The following ACVR1 variants were observed in gnomAD, a reference collection of about 807,000 sequenced individuals.
ACVR1 encodes activin A receptor type 1.
In ACVR1, 38 loss-of-function variants were observed where a neutral mutation model predicts 57.1. The ratio of observed to expected loss-of-function variants is 0.67; its 90% CI spans 0.51 to 0.87. The LOEUF is 0.87. Among genes scored for constraint, ACVR1 ranks in the 40% least tolerant of loss-of-function variants. The pLI is 0.00. For missense variants in ACVR1, 463 were observed against 638.2 expected (o/e 0.73, Z 2.96); for synonymous variants, 212 against 228.1 (o/e 0.93, Z 0.63).
At chr2:157,803,784 C>T (rs1285554295) in intron 2 of ACVR1, among the ~76,000 whole-genome samples, 2 of 152,036 alleles carry the variant, frequency 1.3e-5, no homozygotes, top group Non-Finnish European at 2.9e-5. Context: ...TCTCTTTAAA[C>T]TCTTGAAAAT....
At chr2:157,816,902 A>T (rs1348361364) in intron 2 of ACVR1, among the ~76,000 whole-genome samples, 4 of 151,990 alleles carry the variant, frequency 2.6e-5, no homozygotes, top group Non-Finnish European at 4.4e-5. Context: ...CCAAGTAGGT[A>T]TTCATATTAC....
At chr2:157,844,394 C>T (rs965966660) in intron 1 of ACVR1, among the ~76,000 whole-genome samples, 1 of 152,128 alleles carries the variant, frequency 6.6e-6, no homozygotes, top group Non-Finnish European at 1.5e-5. Flanking sequence ...CCTTTCTCAG[C>T]TTGGCTACTC....
chr2:157,817,242 C>A (rs771163938), intron 2 of ACVR1, among the ~76,000 whole-genome samples: 1 of 152,142 alleles, frequency 6.6e-6, no homozygotes, highest in Non-Finnish European at 1.5e-5. Context: ...GGATTAGAGG[C>A]ATGAGCCACC....
intron 2 of ACVR1, among the ~76,000 whole-genome samples, chr2:157,800,857 T>C (rs760904475): frequency 4.2e-4 from 64 of 152,106 alleles, no homozygotes; most frequent in Non-Finnish European, 7.8e-4. Flanking sequence ...ATATGCTTTT[T>C]GTTCCCCTCT....
At chr2:157,855,248 C>G (rs1473810387) in intron 1 of ACVR1, among the ~76,000 whole-genome samples, 1 of 128,366 alleles carries the variant, frequency 7.8e-6, no homozygotes, top group Admixed American at 8.2e-5. Flanking sequence ...GAAACCTCGT[C>G]TCTTAAAAAA....
intron 1 of ACVR1, among the ~76,000 whole-genome samples, chr2:157,865,519 C>T (rs564323296): frequency 2.6e-5 from 4 of 152,156 alleles, no homozygotes; most frequent in African/African-American, 4.8e-5. Flanking sequence ...AGGCAGGGCG[C>T]GGTGGTTCAC....
At chr2:157,859,057 C>T (rs1410612435) in intron 1 of ACVR1, among the ~76,000 whole-genome samples, 4 of 152,204 alleles carry the variant, frequency 2.6e-5, no homozygotes, top group African/African-American at 7.2e-5. Flanking sequence ...ATCAGAGCAA[C>T]TCCATCTTGA....
chr2:157,789,967 C>T (rs564114459), intron 3 of ACVR1, among the ~76,000 whole-genome samples: 2 of 152,220 alleles, frequency 1.3e-5, no homozygotes, highest in Non-Finnish European at 2.9e-5. Flanking sequence ...AATATGAAGT[C>T]TTCAGGCACA....
At chr2:157,816,840 C>T (rs1406013647) in intron 2 of ACVR1, among the ~76,000 whole-genome samples, 3 of 152,124 alleles carry the variant, frequency 2.0e-5, no homozygotes, top group Non-Finnish European at 4.4e-5. Context: ...ACACACACAT[C>T]AACATTTTGC....
intron 1 of ACVR1, among the ~76,000 whole-genome samples, chr2:157,831,395 A>C (rs749753241): frequency 5.3e-5 from 8 of 152,224 alleles, no homozygotes; most frequent in Non-Finnish European, 1.2e-4. Context: ...GACTGCACTG[A>C]ATCATTTCAT....
At chr2:157,807,426 C>CT (rs1687587167) in intron 2 of ACVR1, among the ~76,000 whole-genome samples, 1 of 152,120 alleles carries the variant, frequency 6.6e-6, no homozygotes, top group Non-Finnish European at 1.5e-5. Flanking sequence ...CACTTCATTC[C>CT]TTTGTTTCAA....
chr2:157,860,325 C>T (rs1382510400), intron 1 of ACVR1: 1 of 152,246 alleles, frequency 6.6e-6, no homozygotes, highest in Non-Finnish European at 1.5e-5. Context: ...GACAGTCAGT[C>T]ACCCTACTCA....
At chr2:157,783,591 A>T (rs115250654) in intron 3 of ACVR1, among the ~76,000 whole-genome samples, 1 of 152,188 alleles carries the variant, frequency 6.6e-6, no homozygotes, top group African/African-American at 2.4e-5. Flanking sequence ...TCTTTTCAGT[A>T]AGATGTGAAA....
chr2:157,760,521 A>T (rs998889896), intron 9 of ACVR1, among the ~76,000 whole-genome samples: 29 of 152,200 alleles, frequency 1.9e-4, no homozygotes, highest in African/African-American at 6.8e-4. Flanking sequence ...TCCTGATTTG[A>T]GCACTACATA....
At chr2:157,856,095 C>T (rs753656392) in intron 1 of ACVR1, among the ~76,000 whole-genome samples, 1 of 151,950 alleles carries the variant, frequency 6.6e-6, no homozygotes, top group Non-Finnish European at 1.5e-5. Flanking sequence ...TTTGACAAGA[C>T]TCTACGAGAC....
intron 9 of ACVR1, among the ~76,000 whole-genome samples, chr2:157,750,001 T>G (rs1211420015): frequency 6.6e-6 from 1 of 152,186 alleles, no homozygotes; most frequent in African/African-American, 2.4e-5. Context: ...TGTGTGTGTA[T>G]ACCTTCTGGG....
At chr2:157,768,431 T>C (rs6741119) in intron 7 of ACVR1, among the ~76,000 whole-genome samples, 4,465 of 152,264 alleles carry the variant, frequency 0.029, 229 homozygotes, top group African/African-American at 0.1. Flanking sequence ...TACTGTTATA[T>C]ATCTGTGTAG....
intron 1 of ACVR1, among the ~76,000 whole-genome samples, chr2:157,846,195 C>T (rs560099674): frequency 6.6e-5 from 10 of 152,118 alleles, no homozygotes; most frequent in Admixed American, 1.3e-4. Flanking sequence ...GGCAGTGAGA[C>T]GATGGAAACA....
At chr2:157,868,339 T>A (rs571171602) in intron 1 of ACVR1, among the ~76,000 whole-genome samples, 8 of 148,912 alleles carry the variant, frequency 5.4e-5, no homozygotes, top group African/African-American at 1.7e-4. Context: ...AAAAAAAAAA[T>A]AGCTGGGCAT....
Sources: gnomAD v4.1 joint callset for allele counts (sites outside exome capture counted in the v4.1 genomes callset) on GRCh38, gnomAD v4.1.1 for gene constraint, MANE v1.5 for transcripts, NCBI Gene and HGNC (gene_info 2026-07-23, HGNC 2026-07-21) for gene names.